The following MICOS10 variants were observed in gnomAD, a reference collection of about 807,000 sequenced individuals.
MICOS10 encodes the protein mitochondrial contact site and cristae organizing system subunit 10.
MICOS10 carries 5 observed loss-of-function variants against 13.4 expected under a neutral mutation model. The observed-to-expected ratio is 0.37, with a 90% CI of 0.20 to 0.78. The LOEUF (loss-of-function observed/expected upper bound fraction) is 0.78. Ranked by LOEUF, MICOS10 falls within the 30% of genes least tolerant of loss-of-function variation. MICOS10 has a pLI of 0.47. For synonymous variants in MICOS10, 35 were observed against 33.6 expected (o/e 1.04, Z -0.15); for missense variants, 101 against 94.6 (o/e 1.07, Z -0.28).
chr1:19,616,912 T>G (rs1287974431), intron 1 of MICOS10, among the ~76,000 whole-genome samples: 1 of 152,246 alleles, frequency 6.6e-6, no homozygotes, highest in Non-Finnish European at 1.5e-5. Flanking sequence ...GTCTTTAATG[T>G]GTTTATATAA....
At chr1:19,598,949 A>G (rs1454042536) in intron 1 of MICOS10, among the ~76,000 whole-genome samples, 4 of 152,066 alleles carry the variant, frequency 2.6e-5, no homozygotes, top group East Asian at 1.9e-4. Flanking sequence ...GGGTCTCCCT[A>G]TGTTGCCCAG....
intron 1 of MICOS10, chr1:19,608,514 C>G (rs1450819670): frequency 9.1e-7 from 1 of 1,095,654 alleles, no homozygotes; most frequent in African/African-American, 1.5e-5. Context: ...GACGTCACCC[C>G]CATCCCCTCT....
intron 3 of MICOS10, 48 bp downstream of exon 3, chr1:19,623,631 C>T (rs749974590): frequency 1.0e-5 from 14 of 1,334,744 alleles, no homozygotes; most frequent in African/African-American, 1.5e-5. Context: ...AAAAAGATTT[C>T]TCCTGAGCCC....
chr1:19,612,350 A>G (rs1252718267), intron 1 of MICOS10, among the ~76,000 whole-genome samples: 1 of 151,486 alleles, frequency 6.6e-6, no homozygotes, highest in Non-Finnish European at 1.5e-5. Context: ...TGCCAAGCCA[A>G]TTCTTAGTTT....
intron 1 of MICOS10, among the ~76,000 whole-genome samples, chr1:19,598,941 G>A (rs886330944): frequency 6.6e-6 from 1 of 151,916 alleles, no homozygotes; most frequent in Non-Finnish European, 1.5e-5. Flanking sequence ...TACAGGCAGG[G>A]TCTCCCTATG....
chr1:19,625,286 A>G, intron 3 of MICOS10: 1 of 1,141,560 alleles, frequency 8.8e-7, no homozygotes. Context: ...AGAGTGGAAA[A>G]TGTGGTACAA....
intron 1 of MICOS10, chr1:19,601,308 G>A: frequency 3.5e-6 from 1 of 283,474 alleles, no homozygotes. Flanking sequence ...GCCAGGCACA[G>A]TGGCTCATGC....
At chr1:19,615,507 C>T (rs1007991443) in intron 1 of MICOS10, among the ~76,000 whole-genome samples, 4 of 152,198 alleles carry the variant, frequency 2.6e-5, no homozygotes, top group East Asian at 1.9e-4. Flanking sequence ...TATTCACAAT[C>T]GTTTTAACCT....
rs1323599048 is a variant in MICOS10, at chr1:19,597,064, G to C, written c.19G>C (p.Gly7Arg). ...GGGGAACATGTCTGAGTCGGAGCTC[G>C]GCAGGAAGTGGGACCGGTGTCTGGC... MSESELGRKWDRCLADA... is the reference protein window; with the variant it reads MSESELRRKWDRCLADA... Residue 7 changes from glycine (G) to arginine (R), a missense_variant, in exon 1 of 4, where the codon GGC becomes CGC. Physicochemically the swap from Gly to Arg is moderately radical, Grantham distance 125 (BLOSUM62 -2). Coordinates refer to ENST00000322753, the MANE Select transcript of MICOS10 (RefSeq NM_001032363.4). 1.9e-6 allele frequency: 3 copies of C among 1,594,330 alleles called. No homozygotes were observed. Among genetic ancestry groups the C allele is most frequent in the Non-Finnish European group, 2.6e-6 (3 of 1,172,788 alleles).
intron 1 of MICOS10, among the ~76,000 whole-genome samples, chr1:19,611,957 T>G (rs2094863987): frequency 7.8e-6 from 1 of 127,414 alleles, no homozygotes. Flanking sequence ...GGTGACAGAG[T>G]GAGGCTCCAT....
chr1:19,599,298 C>T lies in MICOS10; in HGVS notation c.64+2189C>T, dbSNP rs545075018. Among the ~76,000 whole-genome samples the T allele has an allele frequency of 2.6e-5, 4 of 152,236 alleles. No homozygotes were observed. In the South Asian group the frequency reaches 8.3e-4, roughly 32 times the overall value. ...TCTCAAACTTCTGGGCTTAAGTGAT[C>T]CATCATCCTCAGCCTCCCAAAGTGC... On this transcript the variant is annotated intron_variant, in intron 1 of 3. Transcript: ENST00000322753.
chr1:19,613,666 A>T (rs904325364), intron 1 of MICOS10, among the ~76,000 whole-genome samples: 3 of 152,262 alleles, frequency 2.0e-5, no homozygotes, highest in African/African-American at 7.2e-5. Context: ...TACCTGGCAC[A>T]CAGTGGGTAC....
intron 1 of MICOS10, chr1:19,608,759 A>C: frequency 2.0e-6 from 1 of 495,724 alleles, no homozygotes; most frequent in East Asian, 3.8e-5. Context: ...TTGCTCTTTG[A>C]ATGGCACCAT....
rs777555636 is a variant in MICOS10 at position 19,623,460 on chromosome 1, T to C, written c.113-14T>C. 16 of 1,571,210 alleles carry C rather than the reference T, an allele frequency of 1.0e-5. No individual in the cohort carries two copies. The South Asian group carries it at 1.8e-4, about 18-fold the overall frequency. On this transcript the variant is annotated splice_polypyrimidine_tract_variant and intron_variant, in intron 2 of 3. Transcript: ENST00000322753. ...ATAATTCCCTATTGGGATTTTCCCT[T>C]TTTTGCTCACTAGGAAGAATGTGGC...
At chr1:19,607,019 C>T (rs538734622) in intron 1 of MICOS10, among the ~76,000 whole-genome samples, 1 of 152,204 alleles carries the variant, frequency 6.6e-6, no homozygotes, top group Non-Finnish European at 1.5e-5. Context: ...CAAAAATTGC[C>T]TGTTGGTAGC....
intron 1 of MICOS10, among the ~76,000 whole-genome samples, chr1:19,618,388 C>G (rs1400369227): frequency 6.6e-6 from 1 of 152,086 alleles, no homozygotes; most frequent in East Asian, 1.9e-4. Context: ...GCGATCCTCC[C>G]ATCTTGGCCT....
chr1:19,627,793 T>C lies in MICOS10; in HGVS notation c.*1392T>C, dbSNP rs1360247956. On this transcript the variant is annotated 3_prime_UTR_variant, in exon 4 of 4. Transcript: ENST00000322753. ...GGGTACAACTCATGTCTGACTCCAG[T>C]TCTGGAACATTGATTAGACCTTAGT... is the stretch of plus-strand genomic sequence containing the variant. 6.6e-6 allele frequency: 1 copy of C among 152,378 alleles called. No homozygotes were observed. Among genetic ancestry groups the C allele is most frequent in the South Asian group, 2.1e-4 (1 of 4,828 alleles). 9.4% of individuals were successfully genotyped at this position (152,378 alleles called of 1,614,324 possible).
intron 1 of MICOS10, chr1:19,608,367 G>T: frequency 7.9e-7 from 1 of 1,265,106 alleles, no homozygotes; most frequent in East Asian, 2.3e-5. Context: ...GCCCAGAGGT[G>T]CAAGGAGCTG....
At chr1:19,625,422 C>T (rs979380460) in intron 3 of MICOS10, 1 of 1,289,400 alleles carries the variant, frequency 7.8e-7, no homozygotes, top group East Asian at 5.5e-5. Context: ...TGCCTGCAGC[C>T]AGCCCATGTC....
Sources: gnomAD v4.1 joint callset for allele counts (sites outside exome capture counted in the v4.1 genomes callset) on GRCh38, gnomAD v4.1.1 for gene constraint, MANE v1.5 for transcripts, NCBI Gene and HGNC (gene_info 2026-07-23, HGNC 2026-07-21) for gene names.